Variants in DPP10 observed in about 807,000 individuals in gnomAD.
DPP10 encodes the protein dipeptidyl peptidase like 10.
Under a neutral mutation model 120.9 loss-of-function variants are expected in DPP10, and 33 were observed. The ratio of observed to expected loss-of-function variants is 0.27; its 90% confidence interval spans 0.21 to 0.37. The LOEUF is 0.37. DPP10 is among the 10% of genes least tolerant of loss of function. The pLI is 1.00. For missense variants in DPP10, 816 were observed against 942.8 expected, an observed-to-expected ratio of 0.87 and a Z score of 1.76; for synonymous variants, 337 against 326.1, an observed-to-expected ratio of 1.03 and a Z score of -0.36.
chr2:115,379,473 G>A (rs371770397), intron 3 of DPP10, among the ~76,000 whole-genome samples: 32 of 152,044 alleles, frequency 2.1e-4, no homozygotes, highest in Admixed American at 2.6e-4. Flanking sequence ...CTAGCGGTCT[G>A]TCAATTTTGT....
chr2:114,584,644 T>G (rs1446065728), intron 1 of DPP10, among the ~76,000 whole-genome samples: 1 of 148,734 alleles, frequency 6.7e-6, no homozygotes, highest in Admixed American at 6.8e-5. Context: ...GAACCTGCAG[T>G]GTTTGGTTAT....
At chr2:114,533,273 C>T (rs1051504522) in intron 1 of DPP10, among the ~76,000 whole-genome samples, 2 of 152,178 alleles carry the variant, frequency 1.3e-5, no homozygotes, top group Admixed American at 1.3e-4. Context: ...CATAGATTCT[C>T]ACATCCTTTC....
intron 1 of DPP10, chr2:115,162,262 G>C (rs768494232): frequency 1.1e-5 from 17 of 1,557,898 alleles, no homozygotes; most frequent in East Asian, 7.1e-5. Flanking sequence ...CGCGGGGAAG[G>C]GGGCAGAGAG....
intron 3 of DPP10, among the ~76,000 whole-genome samples, chr2:115,477,090 C>T (rs973973241): frequency 3.9e-5 from 6 of 152,056 alleles, no homozygotes; most frequent in South Asian, 2.1e-4. Context: ...GAAAAATTGT[C>T]CTTGAAGATC....
intron 1 of DPP10, among the ~76,000 whole-genome samples, chr2:115,265,800 C>T (rs2059436102): frequency 6.6e-6 from 1 of 151,942 alleles, no homozygotes; most frequent in Non-Finnish European, 1.5e-5. Flanking sequence ...AAAAAGGGGC[C>T]AGGCGCGGTG....
At chr2:115,421,024 C>A (rs1356309677) in intron 3 of DPP10, among the ~76,000 whole-genome samples, 7 of 151,862 alleles carry the variant, frequency 4.6e-5, no homozygotes, top group Admixed American at 4.6e-4. Flanking sequence ...AATGCAAACA[C>A]AGGGCTGCTG....
intron 1 of DPP10, among the ~76,000 whole-genome samples, chr2:114,893,567 T>G (rs1488213594): frequency 1.3e-5 from 2 of 152,138 alleles, no homozygotes; most frequent in African/African-American, 4.8e-5. Flanking sequence ...TTTTCTTGGC[T>G]GTAGAATAGG....
chr2:114,736,049 A>G (rs928776708), intron 1 of DPP10, among the ~76,000 whole-genome samples: 2 of 152,040 alleles, frequency 1.3e-5, no homozygotes, highest in African/African-American at 4.8e-5. Flanking sequence ...AAGTAGATCT[A>G]GAGAAGTTTC....
At chr2:115,631,187 T>C (rs1164933206) in intron 5 of DPP10, among the ~76,000 whole-genome samples, 2 of 152,092 alleles carry the variant, frequency 1.3e-5, no homozygotes, top group Non-Finnish European at 1.5e-5. Context: ...CCATTTCTTA[T>C]AGATTTTATA....
intron 1 of DPP10, among the ~76,000 whole-genome samples, chr2:115,225,195 C>T (rs990787208): frequency 2.6e-5 from 4 of 151,836 alleles, no homozygotes; most frequent in East Asian, 1.9e-4. Flanking sequence ...AGGAGGCCAG[C>T]GAGAAAGCTA....
chr2:115,189,824 C>T lies in DPP10; in HGVS notation c.61-119415C>T, dbSNP rs533022422. On this transcript the variant is annotated intron_variant, in intron 1 of 25. Transcript: ENST00000410059. Reference sequence around the variant, plus strand: ...AAGAACGAGTACACCTTCTACGCTGCGAGAGAAGTAAGCATCGAGGCTATG... The same window carrying T: ...AAGAACGAGTACACCTTCTACGCTGTGAGAGAAGTAAGCATCGAGGCTATG... Among the ~76,000 whole-genome samples, 65 of 152,192 alleles carry T rather than the reference C, an allele frequency of 4.3e-4. 2 individuals are homozygous for T. In the South Asian group the frequency reaches 0.012, roughly 29 times the overall value.
intron 1 of DPP10, among the ~76,000 whole-genome samples, chr2:115,304,180 A>G (rs2061264482): frequency 1.3e-5 from 2 of 152,032 alleles, no homozygotes; most frequent in African/African-American, 4.8e-5. Flanking sequence ...CAGAACGTGA[A>G]CTGATGGAAG....
chr2:115,023,023 C>A (rs1252902956), intron 1 of DPP10, among the ~76,000 whole-genome samples: 1 of 151,992 alleles, frequency 6.6e-6, no homozygotes, highest in Non-Finnish European at 1.5e-5. Context: ...AGACTTAAAT[C>A]CAAGATCTGA....
At chr2:114,961,720 G>A (rs1426133588) in intron 1 of DPP10, among the ~76,000 whole-genome samples, 3 of 152,066 alleles carry the variant, frequency 2.0e-5, no homozygotes, top group African/African-American at 4.8e-5. Flanking sequence ...TCAGGAGGCC[G>A]AGGTGGGCGG....
At chr2:114,517,673 C>T (rs1391066353) in intron 1 of DPP10, among the ~76,000 whole-genome samples, 2 of 152,162 alleles carry the variant, frequency 1.3e-5, no homozygotes, top group African/African-American at 4.8e-5. Context: ...GAAATGAAAA[C>T]ACATTAAGCT....
At chr2:115,647,487 G>A (rs1237443562) in intron 5 of DPP10, among the ~76,000 whole-genome samples, 2 of 152,020 alleles carry the variant, frequency 1.3e-5, no homozygotes, top group Non-Finnish European at 2.9e-5. Context: ...TATGAAAAGT[G>A]CAAATGTTTA....
At chr2:115,608,519 G>T (rs970039041) in intron 5 of DPP10, among the ~76,000 whole-genome samples, 7 of 152,128 alleles carry the variant, frequency 4.6e-5, no homozygotes, top group African/African-American at 1.4e-4. Context: ...GAGAAAAGAT[G>T]CGACATTGCC....
At chr2:114,630,394 CA>C (rs1694831994) in intron 1 of DPP10, among the ~76,000 whole-genome samples, 1 of 151,886 alleles carries the variant, frequency 6.6e-6, no homozygotes, top group African/African-American at 2.4e-5. Context: ...AAAATAATTC[CA>C]ACGTTATAGG....
intron 3 of DPP10, among the ~76,000 whole-genome samples, chr2:115,481,649 C>T (rs2075435999): frequency 6.6e-6 from 1 of 151,942 alleles, no homozygotes; most frequent in East Asian, 1.9e-4. Flanking sequence ...CGACTTTTTT[C>T]TCAGGGGTCC....
Sources: gnomAD v4.1 joint callset for allele counts (sites outside exome capture counted in the v4.1 genomes callset) on GRCh38, gnomAD v4.1.1 for gene constraint, MANE v1.5 for transcripts, NCBI Gene and HGNC (gene_info 2026-07-23, HGNC 2026-07-21) for gene names.